CRTAM: variants seen among roughly 807,000 people sequenced by gnomAD.
CRTAM encodes the protein cytotoxic and regulatory T cell molecule.
In CRTAM, 44 loss-of-function variants were observed where a neutral mutation model predicts 50.0. The observed-to-expected ratio is 0.88, with a 90% CI of 0.69 to 1.13. The LOEUF (loss-of-function observed/expected upper bound fraction) is 1.13, where lower values mean the gene tolerates loss of function less well. CRTAM is among the 50% of genes most tolerant of loss of function. The probability of loss-of-function intolerance (pLI) is 0.00; values close to 1 mark genes in which losing one functional copy is unlikely to be tolerated. For missense variants in CRTAM, 448 were observed against 457.5 expected (o/e 0.98, Z 0.19); for synonymous variants, 159 against 169.3 (o/e 0.94, Z 0.47).
intron 1 of CRTAM, among the ~76,000 whole-genome samples, chr11:122,848,453 T>C (rs1486945100): frequency 6.6e-6 from 1 of 152,202 alleles, no homozygotes; most frequent in Non-Finnish European, 1.5e-5. Flanking sequence ...GATCTCTTTT[T>C]ATTACCTCCT....
chr11:122,853,555 T>C (rs1435704313), intron 3 of CRTAM, among the ~76,000 whole-genome samples: 1 of 151,622 alleles, frequency 6.6e-6, no homozygotes, highest in Non-Finnish European at 1.5e-5. Flanking sequence ...GCGCAGTGGC[T>C]CACACTTGTA....
intron 1 of CRTAM, among the ~76,000 whole-genome samples, chr11:122,846,802 T>A (rs545769842): frequency 6.8e-4 from 103 of 152,316 alleles, no homozygotes; most frequent in African/African-American, 2.4e-3. Context: ...CAATTTAGAT[T>A]TACTGCGACT....
intron 5 of CRTAM, among the ~76,000 whole-genome samples, chr11:122,859,292 G>A (rs753040406): frequency 2.6e-5 from 4 of 151,942 alleles, no homozygotes; most frequent in Non-Finnish European, 4.4e-5. Flanking sequence ...TGTATTTTTA[G>A]TGGACATGGG....
intron 6 of CRTAM, 47 bp from the exon 7 acceptor site, chr11:122,864,589 T>A: frequency 7.5e-7 from 1 of 1,340,208 alleles, no homozygotes; most frequent in Non-Finnish European, 1.1e-6. Context: ...TGTAGTCACA[T>A]GTATATAATG....
rs200945925 is a variant in CRTAM at position 122,846,640 on chromosome 11, G to A, written c.47-3428G>A. Among the ~76,000 whole-genome samples, 4 of 149,852 alleles carry A rather than the reference G, an allele frequency of 2.7e-5. No homozygotes were observed. In the East Asian group the frequency reaches 5.8e-4, roughly 22 times the overall value. On this transcript the variant is annotated intron_variant, in intron 1 of 9. Coordinates refer to ENST00000227348, the MANE Select transcript of CRTAM (RefSeq NM_019604.4). ...AACACCTCTGTCTGTCTGTCTGTCTGTCTCTCTCTGTCTTTTCATCAAATA... is the reference window on the plus strand; with the variant it reads ...AACACCTCTGTCTGTCTGTCTGTCTATCTCTCTCTGTCTTTTCATCAAATA...
chr11:122,854,948 A>G (rs903042298), intron 4 of CRTAM, among the ~76,000 whole-genome samples: 3 of 152,112 alleles, frequency 2.0e-5, no homozygotes, highest in African/African-American at 4.8e-5. Context: ...ATATCTATGT[A>G]ATCAACCATC....
chr11:122,854,125 T>G (rs748624705), intron 4 of CRTAM, 39 bp downstream of exon 4: 4 of 1,592,688 alleles, frequency 2.5e-6, no homozygotes, highest in Non-Finnish European at 3.4e-6. Context: ...TCCTTCCTAC[T>G]CAAATTTCCA....
Position 122,867,540 on chromosome 11 carries a change from G to A in CRTAM, c.949G>A (p.Val317Met), listed in dbSNP as rs368775563. ...CATCATGAAGCTGAGGAAAGCACATGTGATATGGAAGAAAGGTCAGTGGGC... is the reference window on the plus strand; with the variant it reads ...CATCATGAAGCTGAGGAAAGCACATATGATATGGAAGAAAGGTCAGTGGGC... The part of the protein sequence containing the change: ...LFIMKLRKAH[V>M]IWKKENEVSE... Residue 317 changes from valine (V) to methionine (M), a missense_variant, in exon 8 of 10, where the codon GTG becomes ATG. By Grantham distance (21) the Val-to-Met change is conservative. Coordinates refer to ENST00000227348, the MANE Select transcript of CRTAM (RefSeq NM_019604.4). 7 of 1,613,822 alleles carry A rather than the reference G, an allele frequency of 4.3e-6. No individual in the cohort carries two copies. The African/African-American group carries it at 5.3e-5, about 12-fold the overall frequency.
chr11:122,863,924 A>G (rs1209174503), intron 6 of CRTAM, among the ~76,000 whole-genome samples: 3 of 152,172 alleles, frequency 2.0e-5, no homozygotes, highest in African/African-American at 7.2e-5. Flanking sequence ...GCGCTGTGCA[A>G]TGGACTAAAA....
intron 7 of CRTAM, 117 bp from the exon 8 acceptor site, chr11:122,867,292 C>A: frequency 1.2e-6 from 1 of 860,012 alleles, no homozygotes; most frequent in Non-Finnish European, 1.8e-6. Context: ...CTCATCTCTT[C>A]ATCTGAGCTG....
chr11:122,861,600 C>T (rs143831312), intron 5 of CRTAM, among the ~76,000 whole-genome samples: 89 of 151,086 alleles, frequency 5.9e-4, no homozygotes, highest in Middle Eastern at 3.4e-3. Flanking sequence ...CCACCACGCC[C>T]GGCTAGTTTT....
chr11:122,854,133 CCAGGGGATTTTTAA>C, intron 4 of CRTAM, 47 bp downstream of exon 4: 1 of 1,587,412 alleles, frequency 6.3e-7, no homozygotes, highest in Non-Finnish European at 8.6e-7. Context: ...ACTCAAATTT[CCAGGGGATTTTTAA>C]ATGTTTTGGC....
chr11:122,861,345 T>C (rs1862071211), intron 5 of CRTAM, among the ~76,000 whole-genome samples: 1 of 98,206 alleles, frequency 1.0e-5, no homozygotes, highest in Non-Finnish European at 2.0e-5. Flanking sequence ...CTGTGACGTG[T>C]CAGTATATAT....
At chr11:122,856,901 C>T (rs1269226919) in intron 5 of CRTAM, among the ~76,000 whole-genome samples, 1 of 152,124 alleles carries the variant, frequency 6.6e-6, no homozygotes, top group Non-Finnish European at 1.5e-5. Flanking sequence ...CAACCACCCC[C>T]ACCCCTCTGT....
At chr11:122,858,799 A>G (rs1565291030) in intron 5 of CRTAM, among the ~76,000 whole-genome samples, 1 of 152,204 alleles carries the variant, frequency 6.6e-6, no homozygotes, top group Non-Finnish European at 1.5e-5. Flanking sequence ...AAGCACTGGG[A>G]TTAGAGGCGT....
rs770450655 is a variant in CRTAM at position 122,851,730 on chromosome 11, G to A, written c.231G>A (p.Ser77=). 6.8e-6 allele frequency: 11 copies of A among 1,613,912 alleles called. No individual in the cohort carries two copies. Among genetic ancestry groups the A allele is most frequent in the South Asian group, 1.1e-5 (1 of 91,070 alleles). ...KNSKYQLLHH[S]ANQLSITVPN... ...CCAAATACCAGCTTCTTCATCACTC[G>A]GCCAATCAGCTCTCCATCACTGTGC... Residue 77 remains serine, a synonymous_variant, in exon 3 of 10, where the codon TCG becomes TCA. Transcript: ENST00000227348.
chr11:122,846,459 C>A (rs889636985), intron 1 of CRTAM, among the ~76,000 whole-genome samples: 4 of 152,066 alleles, frequency 2.6e-5, no homozygotes, highest in Non-Finnish European at 5.9e-5. Context: ...AGGTGCCCAC[C>A]ACCACGCCAG....
In CRTAM at chr11:122,864,725, T is replaced by TGAC. The variant is rs1279724902; in HGVS notation, c.817+7_817+8insACG. 1 of 1,597,300 alleles carries TGAC rather than the reference T, an allele frequency of 6.3e-7. No homozygotes were observed. The highest frequency in any genetic ancestry group is 8.6e-7 in the Non-Finnish European group (1 of 1,164,904). On this transcript the variant is annotated splice_region_variant and intron_variant, in intron 7 of 9. Transcript: ENST00000227348. ...AGATCCTGACTTGACCACCGGTAAG[T>TGAC]GTCACCCACTGCATTTAGAATAAAC...
At chr11:122,862,689 T>C in intron 6 of CRTAM, 145 bp downstream of exon 6, 3 of 607,868 alleles carry the variant, frequency 4.9e-6, no homozygotes, top group Admixed American at 5.9e-5. Flanking sequence ...TCCAGCTTTG[T>C]ACCATCCTAG....
Sources: gnomAD v4.1 joint callset for allele counts (sites outside exome capture counted in the v4.1 genomes callset) on GRCh38, gnomAD v4.1.1 for gene constraint, MANE v1.5 for transcripts, NCBI Gene and HGNC (gene_info 2026-07-23, HGNC 2026-07-21) for gene names.